Variants in FSHR observed in about 807,000 individuals in gnomAD.
FSHR encodes the protein follicle stimulating hormone receptor, also known as follicle-stimulating hormone receptor.
In FSHR, 46 loss-of-function variants were observed where a neutral mutation model predicts 52.1. The ratio of observed to expected loss-of-function variants is 0.88; its 90% CI spans 0.70 to 1.13. FSHR has a LOEUF of 1.13. Among genes scored for constraint, FSHR ranks in the 50% most tolerant of loss-of-function variants. The pLI, the probability that FSHR is intolerant of heterozygous loss-of-function variation, is 0.00. For synonymous variants in FSHR, 399 were observed against 309.6 expected (o/e 1.29, Z -3.03); for missense variants, 964 against 834.6 (o/e 1.16, Z -1.91).
chr2:49,153,520 A>T (rs1673134962), intron 1 of FSHR, among the ~76,000 whole-genome samples: 1 of 152,190 alleles, frequency 6.6e-6, no homozygotes, highest in East Asian at 1.9e-4. Flanking sequence ...GAGTTTGGAA[A>T]ATCCTCTTTA....
At chr2:49,019,048 TAGG>T (rs1469641170) in intron 3 of FSHR, among the ~76,000 whole-genome samples, 4 of 152,216 alleles carry the variant, frequency 2.6e-5, no homozygotes, top group Admixed American at 2.6e-4. Flanking sequence ...TCTGTAAAAT[TAGG>T]AGGTAGTTCA....
At chr2:49,042,241 TC>T (rs1377162744) in intron 2 of FSHR, among the ~76,000 whole-genome samples, 2 of 152,194 alleles carry the variant, frequency 1.3e-5, no homozygotes, top group South Asian at 2.1e-4. Flanking sequence ...CCAATTTTTT[TC>T]CCCCGAGTGA....
intron 2 of FSHR, among the ~76,000 whole-genome samples, chr2:49,062,123 C>G (rs752015177): frequency 6.6e-5 from 10 of 151,910 alleles, no homozygotes; most frequent in Non-Finnish European, 8.8e-5. Context: ...TTCAGCAACC[C>G]TGAGCAAAAA....
At chr2:49,137,822 G>A (rs1478515154) in intron 1 of FSHR, among the ~76,000 whole-genome samples, 3 of 152,052 alleles carry the variant, frequency 2.0e-5, no homozygotes, top group South Asian at 2.1e-4. Context: ...AAAACCCACA[G>A]GTAAGAGCTA....
intron 1 of FSHR, among the ~76,000 whole-genome samples, chr2:49,092,230 T>C (rs149817478): frequency 5.3e-5 from 8 of 152,360 alleles, no homozygotes; most frequent in Non-Finnish European, 1.2e-4. Context: ...TCCTATGAAT[T>C]TGTTAAACTC....
chr2:48,999,686 A>G (rs1676171568), intron 4 of FSHR, among the ~76,000 whole-genome samples: 1 of 152,132 alleles, frequency 6.6e-6, no homozygotes, highest in South Asian at 2.1e-4. Context: ...ATGAAATGTT[A>G]CAATGGTCAA....
intron 1 of FSHR, among the ~76,000 whole-genome samples, chr2:49,103,522 G>T (rs1671109308): frequency 6.6e-6 from 1 of 152,114 alleles, no homozygotes; most frequent in Non-Finnish European, 1.5e-5. Flanking sequence ...CCTCAGCACA[G>T]ATCTAGGGGC....
chr2:48,971,373 C>T (rs4953652), intron 8 of FSHR, among the ~76,000 whole-genome samples: 18,838 of 152,192 alleles, frequency 0.12, 1,264 homozygotes, highest in East Asian at 0.24. Flanking sequence ...CTTCAGCTCT[C>T]GTTGAACAGA....
At chr2:49,009,113 C>G (rs1349271784) in intron 4 of FSHR, among the ~76,000 whole-genome samples, 4 of 151,684 alleles carry the variant, frequency 2.6e-5, no homozygotes, top group Non-Finnish European at 1.5e-5. Context: ...ATGCCTATGT[C>G]CTGAATGGTA....
intron 1 of FSHR, among the ~76,000 whole-genome samples, chr2:49,096,480 A>G (rs971046416): frequency 2.6e-5 from 4 of 152,244 alleles, no homozygotes; most frequent in Non-Finnish European, 5.9e-5. Flanking sequence ...TTGATTGCCA[A>G]CGATATGGGG....
intron 2 of FSHR, among the ~76,000 whole-genome samples, chr2:49,024,519 C>T (rs902711720): frequency 4.6e-5 from 7 of 151,648 alleles, no homozygotes; most frequent in East Asian, 1.9e-4. Context: ...TGCAGTGAGC[C>T]GAGACTGTGC....
At chr2:48,975,880 A>T (rs947571601) in intron 8 of FSHR, among the ~76,000 whole-genome samples, 25 of 152,070 alleles carry the variant, frequency 1.6e-4, no homozygotes, top group African/African-American at 6.0e-4. Flanking sequence ...GCTTAAGGAG[A>T]TTTGGGGCAG....
At chr2:49,149,574 C>A (rs1284971595) in intron 1 of FSHR, among the ~76,000 whole-genome samples, 1 of 152,060 alleles carries the variant, frequency 6.6e-6, no homozygotes, top group African/African-American at 2.4e-5. Flanking sequence ...ACATCAAAAA[C>A]TCTGTTTCAC....
intron 2 of FSHR, among the ~76,000 whole-genome samples, chr2:49,067,363 C>CTTAT (rs1669545617): frequency 6.6e-6 from 1 of 151,976 alleles, no homozygotes; most frequent in African/African-American, 2.4e-5. Flanking sequence ...TATAAAAGAA[C>CTTAT]CAAAAAGATA....
At chr2:49,069,367 G>T (rs1372467971) in intron 1 of FSHR, among the ~76,000 whole-genome samples, 1 of 151,998 alleles carries the variant, frequency 6.6e-6, no homozygotes, top group Non-Finnish European at 1.5e-5. Flanking sequence ...ACCCCCATTT[G>T]CTCAAATGTT....
In FSHR at chr2:49,087,514, GC is replaced by G. The variant is rs546421673; in HGVS notation, c.153-19225del. 1.4e-4 allele frequency among the ~76,000 whole-genome samples: 21 copies of G among 152,262 alleles called. No individual in the cohort carries two copies. The South Asian group carries it at 4.4e-3, about 32-fold the overall frequency. ...ATATGATAAAAAAGACGAAGTATCT[GC>G]CCTAATTAGCTTATGTTCTAGCCAG... On this transcript the variant is annotated intron_variant, in intron 1 of 9. Coordinates refer to ENST00000406846, the MANE Select transcript of FSHR (RefSeq NM_000145.4).
intron 4 of FSHR, among the ~76,000 whole-genome samples, chr2:49,014,432 A>T (rs1667407313): frequency 6.6e-6 from 1 of 152,098 alleles, no homozygotes; most frequent in Non-Finnish European, 1.5e-5. Flanking sequence ...GGTGGCACAG[A>T]TTTCAGCCTT....
intron 1 of FSHR, among the ~76,000 whole-genome samples, chr2:49,106,625 C>T (rs1052117141): frequency 6.6e-6 from 1 of 152,158 alleles, no homozygotes; most frequent in Non-Finnish European, 1.5e-5. Flanking sequence ...AACCAAACTG[C>T]AGGCTCATGA....
chr2:49,014,173 T>C (rs375885515), intron 4 of FSHR, among the ~76,000 whole-genome samples: 13 of 152,258 alleles, frequency 8.5e-5, no homozygotes, highest in African/African-American at 1.7e-4. Flanking sequence ...GAAAATGATA[T>C]GCTATTTTTC....
Sources: gnomAD v4.1 joint callset for allele counts (sites outside exome capture counted in the v4.1 genomes callset) on GRCh38, gnomAD v4.1.1 for gene constraint, MANE v1.5 for transcripts, NCBI Gene and HGNC (gene_info 2026-07-23, HGNC 2026-07-21) for gene names.